The following CREBRF variants were observed in gnomAD, a reference collection of about 807,000 sequenced individuals.
The protein encoded by CREBRF is UPF0474 protein C5orf41.
Under a neutral mutation model 66.1 loss-of-function variants are expected in CREBRF, and 5 were observed. The ratio of observed to expected loss-of-function variants is 0.08; its 90% CI spans 0.04 to 0.16. CREBRF has a LOEUF of 0.16. Ranked by LOEUF, CREBRF falls within the 10% of genes least tolerant of loss-of-function variation. The pLI is 1.00. For synonymous variants in CREBRF, 229 were observed against 264.4 expected, an observed-to-expected ratio of 0.87 and a Z score of 1.30; for missense variants, 531 against 744.9, an observed-to-expected ratio of 0.71 and a Z score of 3.34.
chr5:173,085,615 C>A (rs186045945), intron 2 of CREBRF: 22 of 584,514 alleles, frequency 3.8e-5, no homozygotes, highest in African/African-American at 3.5e-4. Context: ...CAGGGCTTCA[C>A]CATCTTGGCC....
chr5:173,085,582 A>G (rs1394839955), intron 2 of CREBRF: 1 of 542,658 alleles, frequency 1.8e-6, no homozygotes, highest in Non-Finnish European at 3.3e-6. Flanking sequence ...ACGCCCGGCT[A>G]ATTTTTGTGT....
chr5:173,066,844 C>G (rs776173363), intron 1 of CREBRF, among the ~76,000 whole-genome samples: 9 of 100,774 alleles, frequency 8.9e-5, no homozygotes, highest in African/African-American at 1.6e-4. Flanking sequence ...GAGACAGGGT[C>G]TCATTCTGTT....
chr5:173,107,860 C>A (rs770243509), intron 4 of CREBRF, among the ~76,000 whole-genome samples: 5 of 135,952 alleles, frequency 3.7e-5, no homozygotes, highest in Non-Finnish European at 7.7e-5. Context: ...GAGTGAGCGT[C>A]TCATTCTGTT....
chr5:173,061,362 C>T (rs1361024928), intron 1 of CREBRF, among the ~76,000 whole-genome samples: 1 of 152,226 alleles, frequency 6.6e-6, no homozygotes, highest in African/African-American at 2.4e-5. Flanking sequence ...TGTACAGTCT[C>T]CTGCCTTGAA....
intron 4 of CREBRF, 168 bp downstream of exon 4, chr5:173,091,569 T>C: frequency 7.1e-7 from 1 of 1,418,014 alleles, no homozygotes. Flanking sequence ...CAAATAGCTC[T>C]AAAATGATCA....
intron 1 of CREBRF, among the ~76,000 whole-genome samples, chr5:173,069,973 G>C (rs1757550801): frequency 6.6e-6 from 1 of 151,772 alleles, no homozygotes; most frequent in Non-Finnish European, 1.5e-5. Flanking sequence ...CGTGATCTCG[G>C]CTTACTGTAA....
intron 1 of CREBRF, among the ~76,000 whole-genome samples, chr5:173,064,989 G>A (rs1476062068): frequency 1.3e-5 from 2 of 152,188 alleles, no homozygotes; most frequent in African/African-American, 2.4e-5. Flanking sequence ...GGTTACAGGT[G>A]TGAGCCACTG....
At chr5:173,118,162 C>T (rs913916923) in intron 7 of CREBRF, among the ~76,000 whole-genome samples, 14 of 152,048 alleles carry the variant, frequency 9.2e-5, no homozygotes, top group Non-Finnish European at 1.5e-5. Flanking sequence ...GCGTGAGCCA[C>T]GGTGCCTGGC....
At chr5:173,097,089 T>G (rs1180974059) in intron 4 of CREBRF, among the ~76,000 whole-genome samples, 1 of 152,130 alleles carries the variant, frequency 6.6e-6, no homozygotes, top group East Asian at 1.9e-4. Flanking sequence ...CTTGTTTGGT[T>G]TTGGTATCAT....
At chr5:173,130,299 T>G (rs1479954634) in intron 8 of CREBRF, among the ~76,000 whole-genome samples, 1 of 152,212 alleles carries the variant, frequency 6.6e-6, no homozygotes, top group African/African-American at 2.4e-5. Flanking sequence ...CTTTACATGA[T>G]CCATTATGGT....
At chr5:173,070,415 C>A (rs1757564247) in intron 1 of CREBRF, among the ~76,000 whole-genome samples, 1 of 152,074 alleles carries the variant, frequency 6.6e-6, no homozygotes, top group East Asian at 1.9e-4. Context: ...CAAAGTGATT[C>A]TTTAAAACTA....
intron 1 of CREBRF, among the ~76,000 whole-genome samples, chr5:173,065,829 G>T (rs1482964299): frequency 6.6e-6 from 1 of 151,306 alleles, no homozygotes; most frequent in African/African-American, 2.4e-5. Context: ...TAGAGACAGG[G>T]TTTCCCCACA....
At chr5:173,077,178 C>T (rs191264583) in intron 1 of CREBRF, among the ~76,000 whole-genome samples, 5 of 152,096 alleles carry the variant, frequency 3.3e-5, no homozygotes, top group African/African-American at 9.6e-5. Context: ...CTCCTGAACT[C>T]GACTAATTCG....
rs1189634333 is a variant in CREBRF, at chr5:173,139,122, T to C, written c.*5377T>C. On this transcript the variant is annotated 3_prime_UTR_variant, in exon 9 of 9. Transcript: ENST00000296953. ...GTTTAAAAATTATCCTATTAAATGT[T>C]GGTTAATAGTTGTGCAGTTTTTCAT... 2 of 152,202 alleles carry C rather than the reference T, an allele frequency of 1.3e-5. No individual in the cohort carries two copies. Among genetic ancestry groups the C allele is most frequent in the African/African-American group, 2.4e-5 (1 of 41,456 alleles). The allele number at this position is 152,202 out of a possible 1,614,324, so 9.4% of individuals were successfully genotyped here.
chr5:173,088,167 G>A (rs1758218160), intron 3 of CREBRF, among the ~76,000 whole-genome samples: 2 of 151,750 alleles, frequency 1.3e-5, no homozygotes, highest in African/African-American at 4.8e-5. Context: ...AAAGGGCTCT[G>A]GAGAGATGGT....
chr5:173,125,867 AAAAC>A (rs1759259289), intron 8 of CREBRF, among the ~76,000 whole-genome samples: 1 of 152,246 alleles, frequency 6.6e-6, no homozygotes, highest in African/African-American at 2.4e-5. Context: ...CCTTTTCAAA[AAAAC>A]AAAACAAAAC....
At chr5:173,107,817 ATTTTTTTTTTTTT>A (rs559120882) in intron 4 of CREBRF, among the ~76,000 whole-genome samples, 2 of 121,846 alleles carry the variant, frequency 1.6e-5, no homozygotes, top group African/African-American at 5.9e-5. Context: ...TCTCTACAAA[ATTTTTTTTTTTTT>A]TTTTTTTTTT....
At chr5:173,073,420 A>C (rs1757653502) in intron 1 of CREBRF, among the ~76,000 whole-genome samples, 1 of 152,208 alleles carries the variant, frequency 6.6e-6, no homozygotes, top group Non-Finnish European at 1.5e-5. Flanking sequence ...ATGTACTTTA[A>C]TCTGTAAACA....
At chr5:173,065,314 G>C (rs1386685574) in intron 1 of CREBRF, among the ~76,000 whole-genome samples, 1 of 152,192 alleles carries the variant, frequency 6.6e-6, no homozygotes, top group Non-Finnish European at 1.5e-5. Flanking sequence ...AGCTAAGGCA[G>C]AGGTGGGAGG....
Sources: allele counts gnomAD v4.1 joint callset (sites outside exome capture counted in the v4.1 genomes callset), GRCh38; gene constraint gnomAD v4.1.1; transcripts MANE v1.5; gene names NCBI Gene and HGNC (gene_info 2026-07-23, HGNC 2026-07-21).